KCNQ5: variants seen among roughly 807,000 people sequenced by gnomAD.
KCNQ5 encodes potassium voltage-gated channel subfamily KQT member 5.
KCNQ5 carries 30 observed loss-of-function variants against 98.2 expected under a neutral mutation model. The observed-to-expected ratio is 0.31, with a 90% CI of 0.23 to 0.41. The LOEUF (loss-of-function observed/expected upper bound fraction) is 0.41. Ranked by LOEUF, KCNQ5 falls within the 10% of genes least tolerant of loss-of-function variation. KCNQ5 has a pLI of 1.00. For synonymous variants in KCNQ5, 458 were observed against 449.4 expected (o/e 1.02, Z -0.24); for missense variants, 835 against 1,182.5 (o/e 0.71, Z 4.31).
chr6:72,893,035 A>T (rs1360981767), intron 1 of KCNQ5, among the ~76,000 whole-genome samples: 3 of 152,186 alleles, frequency 2.0e-5, no homozygotes, highest in African/African-American at 7.2e-5. Flanking sequence ...AGAACATTCC[A>T]TATTGTGTAA....
At chr6:72,876,425 A>G (rs2150168030) in intron 1 of KCNQ5, among the ~76,000 whole-genome samples, 1 of 152,324 alleles carries the variant, frequency 6.6e-6, no homozygotes, top group African/African-American at 2.4e-5. Context: ...TCAAATACTC[A>G]TAAAAACAAT....
At chr6:73,153,072 T>C (rs985579352) in intron 10 of KCNQ5, among the ~76,000 whole-genome samples, 6 of 152,168 alleles carry the variant, frequency 3.9e-5, no homozygotes, top group African/African-American at 1.4e-4. Context: ...TGGGAGAGAT[T>C]GCACGCAACC....
intron 10 of KCNQ5, among the ~76,000 whole-genome samples, chr6:73,139,302 A>G (rs1776611724): frequency 6.6e-6 from 1 of 152,250 alleles, no homozygotes; most frequent in African/African-American, 2.4e-5. Context: ...GGCTGTCACC[A>G]GTCAGGACCC....
chr6:72,637,054 A>C (rs933437889), intron 1 of KCNQ5, among the ~76,000 whole-genome samples: 6 of 152,248 alleles, frequency 3.9e-5, no homozygotes, highest in Admixed American at 3.9e-4. Context: ...CCCACTCATC[A>C]TAGTAATTTC....
intron 7 of KCNQ5, among the ~76,000 whole-genome samples, chr6:73,115,124 C>T (rs953397803): frequency 2.0e-5 from 3 of 151,188 alleles, no homozygotes; most frequent in African/African-American, 7.3e-5. Flanking sequence ...AGTGAGACCA[C>T]ATTTCTTTAA....
intron 1 of KCNQ5, among the ~76,000 whole-genome samples, chr6:72,975,885 C>G (rs943885415): frequency 6.6e-6 from 1 of 152,092 alleles, no homozygotes; most frequent in Non-Finnish European, 1.5e-5. Flanking sequence ...CTTGTATATA[C>G]GTGTAACAAA....
intron 5 of KCNQ5, among the ~76,000 whole-genome samples, chr6:73,081,022 T>C (rs1270578989): frequency 1.3e-5 from 2 of 152,182 alleles, no homozygotes; most frequent in Non-Finnish European, 2.9e-5. Context: ...ACCAAGAACA[T>C]AGCAAGTGCC....
At chr6:73,019,911 T>C (rs1474443307) in intron 2 of KCNQ5, among the ~76,000 whole-genome samples, 3 of 152,218 alleles carry the variant, frequency 2.0e-5, no homozygotes, top group Non-Finnish European at 4.4e-5. Context: ...GGGATCATTC[T>C]GTCTTTTCCT....
intron 11 of KCNQ5, among the ~76,000 whole-genome samples, chr6:73,175,768 C>T (rs1043756580): frequency 1.3e-5 from 2 of 152,202 alleles, no homozygotes; most frequent in African/African-American, 4.8e-5. Context: ...TTGTGAGGAA[C>T]TACCAGAAAA....
chr6:72,864,112 A>C (rs967311953), intron 1 of KCNQ5, among the ~76,000 whole-genome samples: 1 of 152,186 alleles, frequency 6.6e-6, no homozygotes, highest in Non-Finnish European at 1.5e-5. Context: ...TTGTATCTTA[A>C]GGTATCAATT....
intron 9 of KCNQ5, among the ~76,000 whole-genome samples, chr6:73,124,982 C>T (rs62415166): frequency 0.29 from 1,684 of 5,832 alleles, 45 homozygotes; most frequent in Non-Finnish European, 0.31. Context: ...TATATATATA[C>T]ACACACACAC....
intron 1 of KCNQ5, among the ~76,000 whole-genome samples, chr6:72,713,763 G>A (rs1344845166): frequency 3.9e-5 from 6 of 152,188 alleles, no homozygotes; most frequent in Non-Finnish European, 8.8e-5. Context: ...ACAGGCTTAT[G>A]TCACTGCCCT....
At chr6:72,756,963 T>A (rs375576646) in intron 1 of KCNQ5, among the ~76,000 whole-genome samples, 2 of 152,118 alleles carry the variant, frequency 1.3e-5, no homozygotes, top group Non-Finnish European at 2.9e-5. Context: ...TTAAGTATAA[T>A]TAAATCAGAA....
At chr6:73,112,212 A>T (rs199767899) in intron 7 of KCNQ5, among the ~76,000 whole-genome samples, 11 of 152,276 alleles carry the variant, frequency 7.2e-5, no homozygotes, top group African/African-American at 2.2e-4. Flanking sequence ...CCTGCTAGGG[A>T]AGTGGAAGCT....
chr6:72,781,912 C>T (rs1011838090), intron 1 of KCNQ5, among the ~76,000 whole-genome samples: 6 of 152,128 alleles, frequency 3.9e-5, no homozygotes, highest in African/African-American at 1.2e-4. Flanking sequence ...CTTTTTATAT[C>T]TTATTTGAAA....
At chr6:73,003,792 T>C (rs1769699927) in intron 1 of KCNQ5, 116 bp from the exon 2 acceptor site, 1 of 654,082 alleles carries the variant, frequency 1.5e-6, no homozygotes, top group South Asian at 2.0e-5. Flanking sequence ...AGAGTTTTTA[T>C]GAGTTAATGT....
intron 1 of KCNQ5, among the ~76,000 whole-genome samples, chr6:72,729,219 G>A (rs530690653): frequency 2.0e-4 from 30 of 152,232 alleles, no homozygotes; most frequent in African/African-American, 6.0e-4. Context: ...AATCTTGTAC[G>A]TGTGTCTTTT....
chr6:73,037,408 G>A (rs1258117319), intron 2 of KCNQ5, among the ~76,000 whole-genome samples: 1 of 151,946 alleles, frequency 6.6e-6, no homozygotes, highest in East Asian at 1.9e-4. Context: ...TATAACTTCT[G>A]CTTTTGATGT....
At chr6:73,177,090 T>C (rs559949998) in intron 11 of KCNQ5, among the ~76,000 whole-genome samples, 1 of 152,102 alleles carries the variant, frequency 6.6e-6, no homozygotes, top group African/African-American at 2.4e-5. Context: ...GTGTTTCAAG[T>C]AGGAGGCAGA....
Sources: allele counts gnomAD v4.1 joint callset (sites outside exome capture counted in the v4.1 genomes callset), GRCh38; gene constraint gnomAD v4.1.1; transcripts MANE v1.5; gene names NCBI Gene and HGNC (gene_info 2026-07-23, HGNC 2026-07-21).